PDLIM5: variants seen among roughly 807,000 people sequenced by gnomAD.
PDLIM5 encodes the protein PDZ and LIM domain protein 5.
In PDLIM5, 34 loss-of-function variants were observed where a neutral mutation model predicts 64.2. That is an observed-to-expected ratio of 0.53 (90% CI 0.40 to 0.71). PDLIM5 has a LOEUF of 0.71. PDLIM5 is among the 30% of genes least tolerant of loss of function. The pLI, the probability that PDLIM5 is intolerant of heterozygous loss-of-function variation, is 0.00. For synonymous variants in PDLIM5, 253 were observed against 269.1 expected (o/e 0.94, Z 0.59); for missense variants, 683 against 733.6 (o/e 0.93, Z 0.80).
chr4:94,522,762 A>G (rs940979855), intron 2 of PDLIM5, among the ~76,000 whole-genome samples: 4 of 152,210 alleles, frequency 2.6e-5, no homozygotes, highest in African/African-American at 9.6e-5. Context: ...AACTCTGTAT[A>G]AGATTTTAGT....
At chr4:94,573,599 T>C (rs1734993549) in intron 4 of PDLIM5, 2 of 580,876 alleles carry the variant, frequency 3.4e-6, no homozygotes, top group Non-Finnish European at 6.2e-6. Context: ...TAAAACATTA[T>C]TTCCAAAGCC....
intron 2 of PDLIM5, among the ~76,000 whole-genome samples, chr4:94,492,629 T>G (rs1219156442): frequency 6.6e-6 from 1 of 152,216 alleles, no homozygotes; most frequent in African/African-American, 2.4e-5. Context: ...AATGGAATCA[T>G]ATGTGTCCTT....
intron 2 of PDLIM5, among the ~76,000 whole-genome samples, chr4:94,484,950 C>A (rs1264302662): frequency 6.6e-6 from 1 of 152,032 alleles, no homozygotes; most frequent in Non-Finnish European, 1.5e-5. Flanking sequence ...AGTAATTGGA[C>A]AATAAGTTGT....
rs998733460 is a variant in PDLIM5 at position 94,490,410 on chromosome 4, A to C, written c.97-33314A>C. The stretch of plus-strand genomic sequence containing the variant: ...AAGCTTATTAAAGACTTATAAGTAA[A>C]ATAACTAGAATTATATTCCATACAC... On this transcript the variant is annotated intron_variant, in intron 2 of 12. Coordinates refer to ENST00000317968, the MANE Select transcript of PDLIM5 (RefSeq NM_006457.5). 8.5e-5 allele frequency among the ~76,000 whole-genome samples: 13 copies of C among 152,202 alleles called. No individual in the cohort carries two copies. In the East Asian group the frequency reaches 2.5e-3, roughly 29 times the overall value.
intron 2 of PDLIM5, among the ~76,000 whole-genome samples, chr4:94,498,262 C>T (rs1344564126): frequency 6.6e-6 from 1 of 152,148 alleles, no homozygotes; most frequent in African/African-American, 2.4e-5. Context: ...AAGTCTTTCA[C>T]CCATGGCTGA....
At chr4:94,645,484 G>A (rs1741341367) in intron 9 of PDLIM5, among the ~76,000 whole-genome samples, 1 of 152,164 alleles carries the variant, frequency 6.6e-6, no homozygotes, top group East Asian at 1.9e-4. Context: ...TTTGCCCAAA[G>A]TCACAAAGGT....
chr4:94,589,722 CTCTT>C (rs772620978), intron 7 of PDLIM5, among the ~76,000 whole-genome samples: 8 of 141,114 alleles, frequency 5.7e-5, no homozygotes, highest in African/African-American at 1.0e-4. Context: ...TTCTCTCTTT[CTCTT>C]TCTTTCTTTC....
At chr4:94,636,982 A>C (rs987206280) in intron 8 of PDLIM5, among the ~76,000 whole-genome samples, 1 of 152,152 alleles carries the variant, frequency 6.6e-6, no homozygotes, top group Non-Finnish European at 1.5e-5. Context: ...TGAAACTTCT[A>C]TGGGCTTTAC....
chr4:94,570,964 A>G (rs1283211780), intron 3 of PDLIM5, among the ~76,000 whole-genome samples: 2 of 152,214 alleles, frequency 1.3e-5, no homozygotes, highest in Non-Finnish European at 2.9e-5. Context: ...TCTATTGTCT[A>G]GTTCCTCATT....
chr4:94,658,708 C>T (rs1004834763), intron 11 of PDLIM5, among the ~76,000 whole-genome samples: 4 of 152,220 alleles, frequency 2.6e-5, no homozygotes, highest in Non-Finnish European at 5.9e-5. Flanking sequence ...ATCTTCCTTT[C>T]AGCTCCTTAG....
chr4:94,657,792 T>TAGAG (rs1411935350), intron 11 of PDLIM5, among the ~76,000 whole-genome samples: 2 of 152,118 alleles, frequency 1.3e-5, no homozygotes, highest in Non-Finnish European at 2.9e-5. Flanking sequence ...CTGCAGCCTC[T>TAGAG]GCCTCCCAGG....
intron 3 of PDLIM5, among the ~76,000 whole-genome samples, chr4:94,557,242 T>A (rs1349891851): frequency 6.6e-6 from 1 of 152,180 alleles, no homozygotes; most frequent in African/African-American, 2.4e-5. Context: ...TTCTGAGGGC[T>A]CTGTTCTGTT....
chr4:94,554,287 A>G (rs1167301032), intron 3 of PDLIM5, among the ~76,000 whole-genome samples: 1 of 152,218 alleles, frequency 6.6e-6, no homozygotes, highest in Non-Finnish European at 1.5e-5. Flanking sequence ...TTTATCTTTA[A>G]GAAAATATTT....
intron 3 of PDLIM5, among the ~76,000 whole-genome samples, chr4:94,563,958 C>CTTTTTTT (rs796820308): frequency 1.2e-3 from 147 of 119,314 alleles, no homozygotes; most frequent in African/African-American, 2.7e-3. Context: ...TTCTTTCTTT[C>CTTTTTTT]TTTTTTTTTT....
At chr4:94,456,413 G>T (rs931371281) in intron 2 of PDLIM5, 25 of 687,194 alleles carry the variant, frequency 3.6e-5, no homozygotes, top group Non-Finnish European at 5.8e-5. Context: ...GGTCAGGCTG[G>T]TCTTGAACTC....
rs375545453 is a variant in PDLIM5 at position 94,542,332 on chromosome 4, AAAGT to A, written c.248+18474_248+18477del. On this transcript the variant is annotated intron_variant, in intron 3 of 12. Transcript: ENST00000317968. ...CAAATAAATAAATAAATAAATAAAT[AAAGT>A]AAGTAAGTAAGTAAGTGGTCCCTCT... 1.4e-3 allele frequency among the ~76,000 whole-genome samples: 212 copies of A among 150,260 alleles called. 1 individual carries two copies. The highest frequency in any genetic ancestry group is 3.7e-3 in the African/African-American group (153 of 41,200).
chr4:94,541,775 C>T (rs529772419), intron 3 of PDLIM5, among the ~76,000 whole-genome samples: 1 of 152,168 alleles, frequency 6.6e-6, no homozygotes, highest in Non-Finnish European at 1.5e-5. Context: ...TGTCATCCAG[C>T]GCCTCCCCTG....
At chr4:94,563,744 A>C (rs1386443380) in intron 3 of PDLIM5, among the ~76,000 whole-genome samples, 1 of 152,138 alleles carries the variant, frequency 6.6e-6, no homozygotes, top group African/African-American at 2.4e-5. Context: ...GAAAAGATGA[A>C]AGACAAATTA....
chr4:94,657,338 C>T lies in PDLIM5; in HGVS notation c.1465-89C>T, dbSNP rs550278389. 1.6e-4 allele frequency: 149 copies of T among 917,356 alleles called. 1 individual carries two copies. In the African/African-American group the frequency reaches 2.1e-3, roughly 13 times the overall value. 56.8% of individuals were successfully genotyped at this position (917,356 alleles called of 1,614,324 possible). A position where few individuals can be genotyped will look rare whatever the true frequency, so the allele number is the denominator to read the frequency against. On this transcript the variant is annotated intron_variant, in intron 10 of 12. Coordinates refer to ENST00000317968, the MANE Select transcript of PDLIM5 (RefSeq NM_006457.5). Reference sequence around the variant, plus strand: ...GTGTGCCTACTTTGGATTAGCTCTACAGGGATTTACTGGTACAGATATTAG... The same window carrying T: ...GTGTGCCTACTTTGGATTAGCTCTATAGGGATTTACTGGTACAGATATTAG...
Sources: allele counts gnomAD v4.1 joint callset (sites outside exome capture counted in the v4.1 genomes callset), GRCh38; gene constraint gnomAD v4.1.1; transcripts MANE v1.5; gene names NCBI Gene and HGNC (gene_info 2026-07-23, HGNC 2026-07-21).